THY1: variants seen among roughly 807,000 people sequenced by gnomAD.
THY1 encodes thy-1 membrane glycoprotein.
A neutral mutation model predicts 14.9 loss-of-function variants in THY1; 10 were observed. The observed-to-expected ratio is 0.67, with a 90% CI of 0.41 to 1.14. The LOEUF (loss-of-function observed/expected upper bound fraction) is 1.14, where lower values mean the gene tolerates loss of function less well. Among genes scored for constraint, THY1 ranks in the 50% most tolerant of loss-of-function variants. THY1 has a pLI of 0.00. For synonymous variants in THY1, 80 were observed against 90.0 expected, an observed-to-expected ratio of 0.89 and a Z score of 0.63; for missense variants, 159 against 202.1, an observed-to-expected ratio of 0.79 and a Z score of 1.29.
intron 2 of THY1, 102 bp from the exon 3 acceptor site, chr11:119,420,488 G>T: frequency 8.4e-7 from 1 of 1,188,984 alleles, no homozygotes; most frequent in Non-Finnish European, 1.1e-6. Context: ...AGGGGACCGG[G>T]GTCTGCTCTC....
Position 119,420,198 on chromosome 11 carries a change from A to G in THY1, c.226T>C (p.Ser76Pro), listed in dbSNP as rs144701667. The part of the protein sequence containing the change: ...TVGVPEHTYR[S>P]RTNFTSKYNM... ...TATTTGCTGGTGAAGTTGGTTCGGG[A>G]GCGGTATGTGTGCTCAGGCACCCCC... The change falls in exon 3 of 4, where the codon TCC (serine) becomes CCC (proline). Residue 76 changes from serine (S) to proline (P), a missense_variant. Ser to Pro is a moderately conservative substitution (Grantham distance 74). Coordinates refer to ENST00000284240, the MANE Select transcript of THY1 (RefSeq NM_006288.5). The G allele has an allele frequency of 1.9e-6, 3 of 1,614,206 alleles. No homozygotes were observed. In the African/African-American group the frequency reaches 4.0e-5, roughly 22 times the overall value.
At position 119,419,613 on chromosome 11, in the gene THY1, T is replaced by C. The variant is rs192929899; in HGVS notation, c.374-93A>G. ...GGCCCAAAGCAAGGGTGTACTCCCT[T>C]TGGGAGGTGGGTACTGCAATGTCTT... On this transcript the variant is annotated intron_variant, in intron 3 of 3. Coordinates refer to ENST00000284240, the MANE Select transcript of THY1 (RefSeq NM_006288.5). 9.1e-5 allele frequency: 89 copies of C among 980,346 alleles called. No homozygotes were observed. The East Asian group carries it at 2.1e-3, about 23-fold the overall frequency. 60.7% of individuals were successfully genotyped at this position (980,346 alleles called of 1,614,324 possible).
chr11:119,419,647 C>A (rs1486970672), intron 3 of THY1, 127 bp from the exon 4 acceptor site: 3 of 709,836 alleles, frequency 4.2e-6, no homozygotes, highest in African/African-American at 1.8e-5. Flanking sequence ...TTAGCTGGGA[C>A]CAGGAACAGC....
intron 3 of THY1, 145 bp downstream of exon 3, chr11:119,419,906 G>T: frequency 1.1e-6 from 1 of 902,592 alleles, no homozygotes; most frequent in Non-Finnish European, 1.6e-6. Context: ...CGAAGGCAAT[G>T]GTTCCCCAGT....
Position 119,422,006 on chromosome 11 carries a change from G to A in THY1, c.-24-1077C>T, listed in dbSNP as rs1030756601. The A allele has an allele frequency of 6.6e-6, 1 of 152,284 alleles. No homozygotes were observed. The highest frequency in any genetic ancestry group is 1.5e-5 in the Non-Finnish European group (1 of 68,068). The allele number at this position is 152,284 out of a possible 1,614,324, so 9.4% of individuals were successfully genotyped here. On this transcript the variant is annotated intron_variant, in intron 1 of 3. Coordinates refer to ENST00000284240, the MANE Select transcript of THY1 (RefSeq NM_006288.5). The surrounding 1 kb of genome is among the most constrained non-coding windows in gnomAD (Gnocchi z 7.0). ...GAGGCGACGCGGAGCCGGTAGTCTA[G>A]CCTATCTGCAGAGCAGTGCTCGCCC... is the stretch of plus-strand genomic sequence containing the variant.
At position 119,422,052 on chromosome 11, in the gene THY1, C is replaced by G. The variant is rs1013291418; in HGVS notation, c.-25+1061G>C. The G allele has an allele frequency of 1.3e-5, 2 of 152,312 alleles. No homozygotes were observed. The highest frequency in any genetic ancestry group is 4.8e-5 in the African/African-American group (2 of 41,464). The allele number at this position is 152,312 out of a possible 1,614,324, so 9.4% of individuals were successfully genotyped here. A position where few individuals can be genotyped will look rare whatever the true frequency, so the allele number is the denominator to read the frequency against. ...CGCCCAGGAGAGGCCACAGAAGGGG[C>G]GTGCACCCGCGAGAGCGCGCAGGGC... On this transcript the variant is annotated intron_variant, in intron 1 of 3. Transcript: ENST00000284240. This position sits in a 1 kb window ranked among gnomAD's most constrained non-coding sequence, Gnocchi z 7.0.
At chr11:119,420,522 G>T (rs1185248501) in intron 2 of THY1, 136 bp from the exon 3 acceptor site, 2 of 827,666 alleles carry the variant, frequency 2.4e-6, no homozygotes, top group Non-Finnish European at 3.7e-6. Context: ...CCACCCCAGG[G>T]ATCCCACTTC....
chr11:119,421,012 T>C, intron 1 of THY1, 83 bp from the exon 2 acceptor site: 12 of 1,291,394 alleles, frequency 9.3e-6, no homozygotes, highest in Non-Finnish European at 1.3e-5. Context: ...CATGGCATAG[T>C]GGCTATGGCA....
At chr11:119,423,058 A>G in intron 1 of THY1, 55 bp downstream of exon 1, 2 of 455,840 alleles carry the variant, frequency 4.4e-6, no homozygotes, top group South Asian at 1.5e-5. Flanking sequence ...GAAGTCTTGC[A>G]TGGGCGCCTG....
rs1206828409 is a variant in THY1, at chr11:119,422,960, G to T, written c.-25+153C>A. On this transcript the variant is annotated intron_variant, in intron 1 of 3. Coordinates refer to ENST00000284240, the MANE Select transcript of THY1 (RefSeq NM_006288.5). This position sits in a 1 kb window ranked among gnomAD's most constrained non-coding sequence, Gnocchi z 7.0. ...TGCCCTGCAGAAGCATCCCCCTCCC[G>T]CCCCTGCCTGGAAAGCAGGCCCCTC... Among the ~76,000 whole-genome samples the T allele has an allele frequency of 2.0e-5, 3 of 151,320 alleles. No individual in the cohort carries two copies. Among genetic ancestry groups the T allele is most frequent in the East Asian group, 2.0e-4 (1 of 5,090 alleles).
chr11:119,420,754 A>G, intron 2 of THY1, 115 bp downstream of exon 2: 1 of 1,320,708 alleles, frequency 7.6e-7, no homozygotes, highest in Non-Finnish European at 1.1e-6. Context: ...TCAGGATGAA[A>G]AAGAGCCCTC....
Position 119,417,264 on chromosome 11 carries a change from AG to A in THY1, c.*2143del, listed in dbSNP as rs890248616. 2 of 152,402 alleles carry A rather than the reference AG, an allele frequency of 1.3e-5. No individual in the cohort carries two copies. Among genetic ancestry groups the A allele is most frequent in the Non-Finnish European group, 2.9e-5 (2 of 68,190 alleles). 9.4% of individuals were successfully genotyped at this position (152,402 alleles called of 1,614,324 possible). A position where few individuals can be genotyped will look rare whatever the true frequency, so the allele number is the denominator to read the frequency against. ...GGCAGCATCTTGCTAAGGGGTTGTC[AG>A]CCTCCCAACCTGGGACAAGGACAGC... On this transcript the variant is annotated 3_prime_UTR_variant, in exon 4 of 4. Coordinates refer to ENST00000284240, the MANE Select transcript of THY1 (RefSeq NM_006288.5).
chr11:119,417,648 G>GT lies in THY1; in HGVS notation c.*1759dup, dbSNP rs1861804026. ...GAAGGAGCCAGGGATGGGCCTCAGT[G>GT]TTCCCTCCCTACTCCCGAAGGGACA... is the stretch of plus-strand genomic sequence containing the variant. On this transcript the variant is annotated 3_prime_UTR_variant, in exon 4 of 4. Coordinates refer to ENST00000284240, the MANE Select transcript of THY1 (RefSeq NM_006288.5). The GT allele has an allele frequency of 6.6e-6, 1 of 152,166 alleles. No individual in the cohort carries two copies. Among genetic ancestry groups the GT allele is most frequent in the African/African-American group, 2.4e-5 (1 of 41,432 alleles). 9.4% of individuals were successfully genotyped at this position (152,166 alleles called of 1,614,324 possible).
upstream of THY1, among the ~76,000 whole-genome samples, chr11:119,424,398 A>ATG (rs1437336758): frequency 2.6e-5 from 4 of 152,130 alleles, no homozygotes; most frequent in Admixed American, 2.0e-4. Context: ...GGCCTCCCCA[A>ATG]TGTCTGCCTG....
Position 119,418,283 on chromosome 11 carries a change from G to C in THY1, c.*1125C>G, listed in dbSNP as rs1463452971. 4 of 152,572 alleles carry C rather than the reference G, an allele frequency of 2.6e-5. No homozygotes were observed. The highest frequency in any genetic ancestry group is 9.6e-5 in the African/African-American group (4 of 41,474). 9.5% of individuals were successfully genotyped at this position (152,572 alleles called of 1,614,324 possible). Reference sequence around the variant, plus strand: ...GTCACAGAACAGGAAGAACCACCGGGTGGGGGCTGGGGGTTGGGAAAAGCC... The same window carrying C: ...GTCACAGAACAGGAAGAACCACCGGCTGGGGGCTGGGGGTTGGGAAAAGCC... On this transcript the variant is annotated 3_prime_UTR_variant, in exon 4 of 4. Coordinates refer to ENST00000284240, the MANE Select transcript of THY1 (RefSeq NM_006288.5).
Position 119,420,363 on chromosome 11 carries a change from T to A in THY1, c.61A>T (p.Lys21Ter). 6.2e-7 allele frequency: 1 copy of A among 1,613,296 alleles called. No homozygotes were observed. Among genetic ancestry groups the A allele is most frequent in the Non-Finnish European group, 8.5e-7 (1 of 1,179,832 alleles). Residue 21 changes from lysine to a stop codon, truncating the protein, a stop_gained, in exon 3 of 4, where the codon AAG becomes TAG. Coordinates refer to ENST00000284240, the MANE Select transcript of THY1 (RefSeq NM_006288.5). LOFTEE classifies it high-confidence loss of function. ...AGGCAGGCCGTTAGGCTGGTCACCT[T>A]CTGCCCTCGGGAGACCTGCAAGACT... The part of the protein sequence containing the change: ...LTVLQVSRGQ[K>*]VTSLTACLVD...
Position 119,420,219 on chromosome 11 carries a change from C to T in THY1, c.205G>A (p.Val69Met), listed in dbSNP as rs1861870879. Reference protein sequence around the residue: ...KKHVLFGTVGVPEHTYRSRTN... With the variant: ...KKHVLFGTVGMPEHTYRSRTN... ...CGGGAGCGGTATGTGTGCTCAGGCA[C>T]CCCCACAGTGCCAAAGAGCACGTGC... The change falls in exon 3 of 4, where the codon GTG (valine) becomes ATG (methionine). Residue 69 changes from valine to methionine, a missense_variant. Transcript: ENST00000284240. 1.9e-6 allele frequency: 3 copies of T among 1,614,240 alleles called. No homozygotes were observed. Among genetic ancestry groups the T allele is most frequent in the Non-Finnish European group, 2.5e-6 (3 of 1,180,048 alleles).
rs1002303194 is a variant in THY1, at chr11:119,419,981, A to C, written c.373+70T>G. Reference sequence around the variant, plus strand: ...GGCTATTCTCCTCTCTAGTCCAGCCAAGGGAACTGCCTGCTGTCCCCGAGC... The same window carrying C: ...GGCTATTCTCCTCTCTAGTCCAGCCCAGGGAACTGCCTGCTGTCCCCGAGC... On this transcript the variant is annotated intron_variant, in intron 3 of 3. Transcript: ENST00000284240. 24 of 1,496,270 alleles carry C rather than the reference A, an allele frequency of 1.6e-5. No homozygotes were observed. The African/African-American group carries it at 3.2e-4, about 20-fold the overall frequency. 92.7% of individuals were successfully genotyped at this position (1,496,270 alleles called of 1,614,324 possible). A position where few individuals can be genotyped will look rare whatever the true frequency, so the allele number is the denominator to read the frequency against.
At position 119,419,654 on chromosome 11, in the gene THY1, C is replaced by G. The variant is rs77823066; in HGVS notation, c.374-134G>C. ...GCAATGTCTTAGCTGGGACCAGGAA[C>G]AGCCCGGTCTCACAGAACCAGCCAT... On this transcript the variant is annotated intron_variant, in intron 3 of 3. Coordinates refer to ENST00000284240, the MANE Select transcript of THY1 (RefSeq NM_006288.5). The G allele has an allele frequency of 9.2e-3, 6,391 of 692,260 alleles. 291 individuals are homozygous for G. The African/African-American group carries it at 0.097, about 10-fold the overall frequency. The allele number at this position is 692,260 out of a possible 1,614,324, so 42.9% of individuals were successfully genotyped here. A position where few individuals can be genotyped will look rare whatever the true frequency, so the allele number is the denominator to read the frequency against.
Sources: allele counts gnomAD v4.1 joint callset (sites outside exome capture counted in the v4.1 genomes callset), GRCh38; gene constraint gnomAD v4.1.1; non-coding constraint Gnocchi (gnomAD v3.1); transcripts MANE v1.5; gene names NCBI Gene and HGNC (gene_info 2026-07-23, HGNC 2026-07-21).